The following PGAP4 variants were observed in gnomAD, a reference collection of about 807,000 sequenced individuals.
PGAP4 encodes the protein GPI-N-acetylgalactosamine transferase PGAP4.
Under a neutral mutation model 28.2 loss-of-function variants are expected in PGAP4, and 12 were observed. The observed-to-expected ratio is 0.42, with a 90% CI of 0.27 to 0.69. PGAP4 has a LOEUF of 0.69. Among genes scored for constraint, PGAP4 ranks in the 30% least tolerant of loss-of-function variants. The pLI, the probability that PGAP4 is intolerant of heterozygous loss-of-function variation, is 0.22. For synonymous variants in PGAP4, 205 were observed against 211.8 expected (o/e 0.97, Z 0.28); for missense variants, 425 against 513.5 (o/e 0.83, Z 1.67).
chr9:101,500,851 C>G (rs369217800), intron 2 of PGAP4, among the ~76,000 whole-genome samples: 1 of 152,016 alleles, frequency 6.6e-6, no homozygotes, highest in African/African-American at 2.4e-5. Flanking sequence ...AGGCAATATG[C>G]TCTTTTCTGG....
intron 2 of PGAP4, among the ~76,000 whole-genome samples, chr9:101,517,026 A>G (rs1192433330): frequency 6.6e-6 from 1 of 152,184 alleles, no homozygotes; most frequent in Non-Finnish European, 1.5e-5. Context: ...ATTTTATGTA[A>G]TTAATCACAG....
intron 2 of PGAP4, among the ~76,000 whole-genome samples, chr9:101,492,883 A>G (rs1407588007): frequency 6.6e-6 from 1 of 152,116 alleles, no homozygotes. Context: ...TTCCAGTTTT[A>G]AGCTGACCTC....
upstream of PGAP4, among the ~76,000 whole-genome samples, chr9:101,489,548 T>A (rs967764009): frequency 3.3e-5 from 5 of 152,234 alleles, no homozygotes; most frequent in African/African-American, 1.2e-4. Context: ...GGAGACATCC[T>A]ATGGGACCTG....
chr9:101,495,588 A>G (rs1255272335), intron 2 of PGAP4, among the ~76,000 whole-genome samples: 1 of 148,800 alleles, frequency 6.7e-6, no homozygotes, highest in Non-Finnish European at 1.5e-5. Flanking sequence ...TCAAAGGTTT[A>G]AAACAGTTGT....
At chr9:101,528,134 C>T (rs911320143) in intron 2 of PGAP4, among the ~76,000 whole-genome samples, 3 of 152,182 alleles carry the variant, frequency 2.0e-5, no homozygotes, top group Admixed American at 1.3e-4. Flanking sequence ...AGGCACTGCC[C>T]ATGGCCTCTT....
intron 1 of PGAP4, among the ~76,000 whole-genome samples, chr9:101,477,716 C>G (rs1826367887): frequency 6.6e-6 from 1 of 152,186 alleles, no homozygotes; most frequent in African/African-American, 2.4e-5. Context: ...TGTCATTTTC[C>G]ATTCATATGC....
Position 101,476,748 on chromosome 9 carries a change from G to C in PGAP4, c.345C>G (p.Phe115Leu), listed in dbSNP as rs1826330368. 1 of 1,613,704 alleles carries C rather than the reference G, an allele frequency of 6.2e-7. No individual in the cohort carries two copies. The highest frequency in any genetic ancestry group is 1.7e-5 in the Admixed American group (1 of 60,002). ...TIITVDRQPG[F>L]HYVLQVVSQF... Reference sequence around the variant, plus strand: ...GGGACACAACCTGCAGGACGTAGTGGAAGCCAGGCTGCCTGTCCACAGTGA... The same window carrying C: ...GGGACACAACCTGCAGGACGTAGTGCAAGCCAGGCTGCCTGTCCACAGTGA... Residue 115 changes from phenylalanine (F) to leucine (L), a missense_variant, in exon 2 of 2, where the codon TTC becomes TTG. Coordinates refer to ENST00000374848, the MANE Select transcript of PGAP4 (RefSeq NM_032342.3). This position sits in a 1 kb window ranked among gnomAD's most constrained non-coding sequence, Gnocchi z 7.0.
chr9:101,508,916 C>A (rs907398360), intron 2 of PGAP4, among the ~76,000 whole-genome samples: 3 of 152,086 alleles, frequency 2.0e-5, no homozygotes, highest in African/African-American at 7.2e-5. Context: ...CTGCAGAAAA[C>A]CCTGTTTCAC....
intron 1 of PGAP4, among the ~76,000 whole-genome samples, chr9:101,482,303 G>A (rs931871974): frequency 2.6e-5 from 4 of 152,148 alleles, no homozygotes; most frequent in South Asian, 4.1e-4. Flanking sequence ...ATAATTAGCT[G>A]GGTGTGGTGG....
At chr9:101,487,802 T>C (rs1211829426), upstream of PGAP4, among the ~76,000 whole-genome samples, 1 of 152,216 alleles carries the variant, frequency 6.6e-6, no homozygotes, top group African/African-American at 2.4e-5. Flanking sequence ...ATTTCAGGGC[T>C]ACGAAAATTA....
intron 2 of PGAP4, among the ~76,000 whole-genome samples, chr9:101,516,541 A>G (rs1041039687): frequency 1.4e-4 from 22 of 152,184 alleles, no homozygotes; most frequent in African/African-American, 5.3e-4. Context: ...GTAGAAGTAA[A>G]TGCTCAATTT....
At chr9:101,499,643 T>C (rs1377412940) in intron 2 of PGAP4, among the ~76,000 whole-genome samples, 1 of 152,124 alleles carries the variant, frequency 6.6e-6, no homozygotes, top group Non-Finnish European at 1.5e-5. Context: ...CAGAAATATC[T>C]TTTGCATAAG....
At chr9:101,482,167 A>G (rs892319379) in intron 1 of PGAP4, among the ~76,000 whole-genome samples, 16 of 152,242 alleles carry the variant, frequency 1.1e-4, no homozygotes, top group Non-Finnish European at 2.4e-4. Context: ...AGATACTTCA[A>G]CCAGGCGCGG....
chr9:101,512,789 C>T (rs375952321), intron 2 of PGAP4, among the ~76,000 whole-genome samples: 66 of 152,190 alleles, frequency 4.3e-4, no homozygotes, highest in African/African-American at 1.5e-3. Flanking sequence ...ATTTCCTCTC[C>T]GTGGATTTAA....
chr9:101,479,068 T>C (rs1826407331), intron 1 of PGAP4, among the ~76,000 whole-genome samples: 1 of 151,808 alleles, frequency 6.6e-6, no homozygotes. Flanking sequence ...ATCTGGATAG[T>C]ACCCAAAGAG....
At chr9:101,494,113 C>A (rs564193805) in intron 2 of PGAP4, among the ~76,000 whole-genome samples, 335 of 151,864 alleles carry the variant, frequency 2.2e-3, no homozygotes, top group Non-Finnish European at 4.1e-3. Flanking sequence ...AGTTCTTGAG[C>A]CTGACAGGAA....
chr9:101,499,892 C>A (rs1826782435), intron 2 of PGAP4, among the ~76,000 whole-genome samples: 1 of 151,980 alleles, frequency 6.6e-6, no homozygotes, highest in Non-Finnish European at 1.5e-5. Context: ...ACCTCCATGT[C>A]TATTTTGTAA....
rs534501483 is a variant in PGAP4 at position 101,483,924 on chromosome 9, T to G, written c.-78+3025A>C. On this transcript the variant is annotated intron_variant, in intron 1 of 1. Transcript: ENST00000374848. ...TTGGTAATAGAGCTCCCTTTCTCCATAATTAATCTCTATATTTAACATCTG... is the reference window on the plus strand; with the variant it reads ...TTGGTAATAGAGCTCCCTTTCTCCAGAATTAATCTCTATATTTAACATCTG... 9.3e-4 allele frequency among the ~76,000 whole-genome samples: 142 copies of G among 152,324 alleles called. 1 individual carries two copies. The Middle Eastern group carries it at 0.031, about 33-fold the overall frequency.
chr9:101,523,916 C>T lies in PGAP4; in HGVS notation c.-165+7432G>A, dbSNP rs193021454. Among the ~76,000 whole-genome samples the T allele has an allele frequency of 3.9e-5, 6 of 151,964 alleles. No homozygotes were observed. The East Asian group carries it at 1.2e-3, about 30-fold the overall frequency. On this transcript the variant is annotated intron_variant, in intron 2 of 3. Transcript: ENST00000374851. ...AAGGCTATTGTTCAGATTCTTTTGT[C>T]TCATGGGGTGTTCCCTTGATGTAGT... is the stretch of plus-strand genomic sequence containing the variant.
Sources: gnomAD v4.1 joint callset for allele counts (sites outside exome capture counted in the v4.1 genomes callset) on GRCh38, gnomAD v4.1.1 for gene constraint, Gnocchi (gnomAD v3.1) non-coding constraint, MANE v1.5 for transcripts, NCBI Gene and HGNC (gene_info 2026-07-23, HGNC 2026-07-21) for gene names.